Variants in VENTX observed in about 807,000 individuals in gnomAD.
VENTX encodes the protein homeobox protein VENTX.
VENTX carries 13 observed loss-of-function variants against 10.5 expected under a neutral mutation model. The ratio of observed to expected loss-of-function variants is 1.23; its 90% CI spans 0.80 to 1.96. The LOEUF is 1.96. VENTX is among the 30% of genes most tolerant of loss of function. The pLI, the probability that VENTX is intolerant of heterozygous loss-of-function variation, is 0.00. For missense variants in VENTX, 400 were observed against 341.8 expected (o/e 1.17, Z -1.34); for synonymous variants, 177 against 150.4 (o/e 1.18, Z -1.29).
At position 133,240,295 on chromosome 10, in the gene VENTX, G is replaced by T. The variant is rs754689820; in HGVS notation, c.766G>T (p.Asp256Tyr). Residue 256 changes from aspartate to tyrosine, a missense_variant, in exon 3 of 3, where the codon GAT becomes TAT. By Grantham distance (160) the Asp-to-Tyr change is radical. Transcript: ENST00000325980. The part of the protein sequence containing the change: ...RGLCAMPQTG[D>Y]AF ...CCTGTGTGCTATGCCACAGACGGGG[G>T]ATGCATTTTGAGGAGGCACCTCTGA... 44 of 1,580,782 alleles carry T rather than the reference G, an allele frequency of 2.8e-5. No individual in the cohort carries two copies. Among genetic ancestry groups the T allele is most frequent in the Non-Finnish European group, 3.7e-5 (43 of 1,161,238 alleles).
rs773517388 is a variant in VENTX at position 133,238,174 on chromosome 10, G to GA, written c.241+19_241+20insA. The GA allele has an allele frequency of 2.6e-5, 41 of 1,570,878 alleles. No homozygotes were observed. The African/African-American group carries it at 5.0e-4, about 19-fold the overall frequency. On this transcript the variant is annotated intron_variant, in intron 1 of 2. Coordinates refer to ENST00000325980, the MANE Select transcript of VENTX (RefSeq NM_014468.4). ...ATGGCCGGTAGGTCCGGGTGGGGGG[G>GA]GTCCCTTCCTTCCCAGGTGGAGATG...
chr10:133,238,480 C>T (rs867501811), intron 1 of VENTX, among the ~76,000 whole-genome samples: 1 of 152,202 alleles, frequency 6.6e-6, no homozygotes, highest in Admixed American at 6.5e-5. Flanking sequence ...CCGTCCGCAC[C>T]TCCCTGCCCT....
Position 133,240,014 on chromosome 10 carries a change from C to T in VENTX, c.485C>T (p.Ser162Phe). ...CAGCTGCACAGCCCCTTCTCGGGGT[C>T]TCTCCATGCGCCCCCAGCTTTCTAC... Reference protein sequence around the residue: ...DPQLHSPFSGSLHAPPAFYST... With the variant: ...DPQLHSPFSGFLHAPPAFYST... Residue 162 changes from serine to phenylalanine, a missense_variant, in exon 3 of 3, where the codon TCT (serine) becomes TTT (phenylalanine). By Grantham distance (155) the Ser-to-Phe change is radical. Coordinates refer to ENST00000325980, the MANE Select transcript of VENTX (RefSeq NM_014468.4). 1.9e-6 allele frequency: 3 copies of T among 1,612,218 alleles called. No homozygotes were observed. The highest frequency in any genetic ancestry group is 1.3e-5 in the African/African-American group (1 of 74,994).
chr10:133,240,027 C>T lies in VENTX; in HGVS notation c.498C>T (p.Pro166=). The change falls in exon 3 of 3, where the codon CCC becomes CCT. Residue 166 remains proline (P), a synonymous_variant. Transcript: ENST00000325980. ...HSPFSGSLHA[P]PAFYSTSSGL... ...CCTTCTCGGGGTCTCTCCATGCGCC[C>T]CCAGCTTTCTACTCAACGTCTTCTG... 6.2e-7 allele frequency: 1 copy of T among 1,612,094 alleles called. No homozygotes were observed. The highest frequency in any genetic ancestry group is 8.5e-7 in the Non-Finnish European group (1 of 1,180,022).
chr10:133,239,223 G>A (rs1554924853), intron 1 of VENTX, among the ~76,000 whole-genome samples: 1 of 152,210 alleles, frequency 6.6e-6, no homozygotes, highest in Non-Finnish European at 1.5e-5. Context: ...TTAGAAATTA[G>A]GAAACAGACT....
In VENTX at chr10:133,241,037, G is replaced by C. The variant is rs1468863691; in HGVS notation, c.*731G>C. ...AAAACTGGTTTTCCAGTTGGAAACA[G>C]TAAAGGTTGTAAGCTTTGTGTGTAC... is the stretch of plus-strand genomic sequence containing the variant. On this transcript the variant is annotated 3_prime_UTR_variant, in exon 3 of 3. Transcript: ENST00000325980. 4 of 152,268 alleles carry C rather than the reference G, an allele frequency of 2.6e-5. No individual in the cohort carries two copies. Among genetic ancestry groups the C allele is most frequent in the Non-Finnish European group, 4.4e-5 (3 of 68,050 alleles). 9.4% of individuals were successfully genotyped at this position (152,268 alleles called of 1,614,324 possible).
Position 133,240,375 on chromosome 10 carries a change from T to C in VENTX, c.*69T>C. The C allele has an allele frequency of 1.4e-6, 2 of 1,472,998 alleles. No individual in the cohort carries two copies. The highest frequency in any genetic ancestry group is 1.8e-6 in the Non-Finnish European group (2 of 1,126,456). 91.2% of individuals were successfully genotyped at this position (1,472,998 alleles called of 1,614,324 possible). ...CCTGGCTCCTACCTGGAGGACTCAGTTGTTCTGTTTACATCCTGGTGGCAC... is the reference window on the plus strand; with the variant it reads ...CCTGGCTCCTACCTGGAGGACTCAGCTGTTCTGTTTACATCCTGGTGGCAC... On this transcript the variant is annotated 3_prime_UTR_variant, in exon 3 of 3. Coordinates refer to ENST00000325980, the MANE Select transcript of VENTX (RefSeq NM_014468.4).
Position 133,239,718 on chromosome 10 carries a change from G to A in VENTX, c.284G>A (p.Arg95His), listed in dbSNP as rs199909978. ...EPNTLRAPRVRTAFTMEQVRT... is the reference protein window; with the variant it reads ...EPNTLRAPRVHTAFTMEQVRT... ...AATACCTTGCGGGCCCCCCGTGTCC[G>A]CACAGCCTTCACCATGGAGCAGGTC... The change falls in exon 2 of 3, where the codon CGC becomes CAC. Residue 95 changes from arginine to histidine, a missense_variant. Physicochemically the swap from Arg to His is conservative, Grantham distance 29. Coordinates refer to ENST00000325980, the MANE Select transcript of VENTX (RefSeq NM_014468.4). 81 of 1,611,016 alleles carry A rather than the reference G, an allele frequency of 5.0e-5. 1 individual carries two copies. The highest frequency in any genetic ancestry group is 3.1e-4 in the South Asian group (28 of 91,000).
chr10:133,241,844 GA>G lies in VENTX; in HGVS notation c.*1539del, dbSNP rs2136053044. The G allele has an allele frequency of 6.6e-6, 1 of 152,446 alleles. No homozygotes were observed. Among genetic ancestry groups the G allele is most frequent in the East Asian group, 1.9e-4 (1 of 5,188 alleles). The allele number at this position is 152,446 out of a possible 1,614,324, so 9.4% of individuals were successfully genotyped here. A position where few individuals can be genotyped will look rare whatever the true frequency, so the allele number is the denominator to read the frequency against. On this transcript the variant is annotated 3_prime_UTR_variant, in exon 3 of 3. Transcript: ENST00000325980. Reference sequence around the variant, plus strand: ...CCTCGGAGGGCAGCAGCTGGACAGGGACTACTGGGTTTGGCCTGGACAGCAC... The same window carrying G: ...CCTCGGAGGGCAGCAGCTGGACAGGGCTACTGGGTTTGGCCTGGACAGCAC...
rs1261082325 is a variant in VENTX, at chr10:133,240,045, G to A, written c.516G>A (p.Thr172=). Residue 172 remains threonine, a synonymous_variant, in exon 3 of 3, where the codon ACG becomes ACA. Coordinates refer to ENST00000325980, the MANE Select transcript of VENTX (RefSeq NM_014468.4). ...ATGCGCCCCCAGCTTTCTACTCAAC[G>A]TCTTCTGGCCTTGCCAATGGCCTGC... The part of the protein sequence containing the change: ...SLHAPPAFYS[T]SSGLANGLQL... 1.1e-5 allele frequency: 18 copies of A among 1,611,912 alleles called. No individual in the cohort carries two copies. The highest frequency in any genetic ancestry group is 2.1e-4 in the Middle Eastern group (1 of 4,718).
chr10:133,237,919 G>C lies in VENTX; in HGVS notation c.5G>C (p.Arg2Pro). The C allele has an allele frequency of 6.3e-7, 1 of 1,587,418 alleles. No individual in the cohort carries two copies. Among genetic ancestry groups the C allele is most frequent in the Non-Finnish European group, 8.5e-7 (1 of 1,173,640 alleles). The part of the protein sequence containing the change: M[R>P]LSSSPPRGPQ... ...CCTCCGGCCCACCTGGCCGCCATGCGCCTCTCCTCCTCCCCACCTCGTGGC... is the reference window on the plus strand; with the variant it reads ...CCTCCGGCCCACCTGGCCGCCATGCCCCTCTCCTCCTCCCCACCTCGTGGC... Residue 2 changes from arginine to proline, a missense_variant, in exon 1 of 3, where the codon CGC becomes CCC. By Grantham distance (103) the Arg-to-Pro change is moderately radical (BLOSUM62 -2). Transcript: ENST00000325980.
chr10:133,239,479 TCCCCTCTTGAGC>T (rs1845897712), intron 1 of VENTX, among the ~76,000 whole-genome samples, 185 bp from the exon 2 acceptor site: 2 of 152,132 alleles, frequency 1.3e-5, no homozygotes, highest in South Asian at 4.1e-4. Context: ...TAACATTCCC[TCCCCTCTTGAGC>T]CCCCTCTCTG....
At chr10:133,239,578 C>G in intron 1 of VENTX, 98 bp from the exon 2 acceptor site, 1 of 1,452,044 alleles carries the variant, frequency 6.9e-7, no homozygotes, top group Admixed American at 2.0e-5. Flanking sequence ...TCTGCCCTGC[C>G]CAGCCCCCAG....
At position 133,240,833 on chromosome 10, in the gene VENTX, G is replaced by C. The variant is rs1431745622; in HGVS notation, c.*527G>C. The C allele has an allele frequency of 6.6e-6, 1 of 152,038 alleles. No homozygotes were observed. Among genetic ancestry groups the C allele is most frequent in the Non-Finnish European group, 1.5e-5 (1 of 68,018 alleles). 9.4% of individuals were successfully genotyped at this position (152,038 alleles called of 1,614,324 possible). On this transcript the variant is annotated 3_prime_UTR_variant, in exon 3 of 3. Coordinates refer to ENST00000325980, the MANE Select transcript of VENTX (RefSeq NM_014468.4). ...GCTGGGATTACAGGCATGAGCCACT[G>C]CACCCGGCCCTGAGAATATATTTAT...
intron 1 of VENTX, among the ~76,000 whole-genome samples, chr10:133,239,218 A>T (rs1342766307): frequency 6.6e-6 from 1 of 152,192 alleles, no homozygotes; most frequent in Non-Finnish European, 1.5e-5. Context: ...TTAACTTAGA[A>T]ATTAGGAAAC....
At chr10:133,238,205 G>T (rs774391910) in intron 1 of VENTX, 50 bp downstream of exon 1, 7 of 1,528,814 alleles carry the variant, frequency 4.6e-6, no homozygotes, top group South Asian at 2.6e-5. Flanking sequence ...AGATGGGAGT[G>T]GGGGAGAGGC....
rs562084599 is a variant in VENTX at position 133,240,701 on chromosome 10, G to A, written c.*395G>A. The A allele has an allele frequency of 3.3e-5, 5 of 151,418 alleles. No individual in the cohort carries two copies. The highest frequency in any genetic ancestry group is 3.9e-4 in the East Asian group (2 of 5,138). 9.4% of individuals were successfully genotyped at this position (151,418 alleles called of 1,614,324 possible). On this transcript the variant is annotated 3_prime_UTR_variant, in exon 3 of 3. Coordinates refer to ENST00000325980, the MANE Select transcript of VENTX (RefSeq NM_014468.4). ...TGGGATTACAGACACCCGCCACCAC[G>A]CCCGGCTAATTTTTTCTATTTTTAG...
intron 1 of VENTX, 47 bp from the exon 2 acceptor site, chr10:133,239,629 C>T: frequency 5.0e-6 from 8 of 1,605,788 alleles, no homozygotes; most frequent in Non-Finnish European, 6.8e-6. Context: ...ACGAGCTTGC[C>T]CCATGGGGTG....
At position 133,240,078 on chromosome 10, in the gene VENTX, G is replaced by A. The variant is rs1156344533; in HGVS notation, c.549G>A (p.Leu183=). 5 of 1,611,514 alleles carry A rather than the reference G, an allele frequency of 3.1e-6. No individual in the cohort carries two copies. The South Asian group carries it at 5.5e-5, about 18-fold the overall frequency. The change falls in exon 3 of 3, where the codon CTG becomes CTA. Residue 183 remains leucine (L), a synonymous_variant. Coordinates refer to ENST00000325980, the MANE Select transcript of VENTX (RefSeq NM_014468.4). ...SSGLANGLQL[L]CPWAPLSGPQ... ...GCCTTGCCAATGGCCTGCAGCTGCT[G>A]TGCCCTTGGGCACCCCTGTCCGGGC...
Sources: gnomAD v4.1 joint callset for allele counts (sites outside exome capture counted in the v4.1 genomes callset) on GRCh38, gnomAD v4.1.1 for gene constraint, MANE v1.5 for transcripts, NCBI Gene and HGNC (gene_info 2026-07-23, HGNC 2026-07-21) for gene names.